The following GABRR2 variants were observed in gnomAD, a reference collection of about 807,000 sequenced individuals.
The protein encoded by GABRR2 is gamma-aminobutyric acid receptor subunit rho-2.
In GABRR2, 36 loss-of-function variants were observed where a neutral mutation model predicts 47.0. That is an observed-to-expected ratio of 0.77 (90% CI 0.59 to 1.01). The LOEUF is 1.01. Among genes scored for constraint, GABRR2 ranks in the 50% least tolerant of loss-of-function variants. The probability of loss-of-function intolerance (pLI) is 0.00; values close to 1 mark genes in which losing one functional copy is unlikely to be tolerated. For missense variants in GABRR2, 587 were observed against 594.6 expected (o/e 0.99, Z 0.13); for synonymous variants, 204 against 227.5 (o/e 0.90, Z 0.93).
intron 2 of GABRR2, among the ~76,000 whole-genome samples, chr6:89,272,235 G>A (rs1774069512): frequency 6.6e-6 from 1 of 152,232 alleles, no homozygotes; most frequent in Non-Finnish European, 1.5e-5. Context: ...CTTCAACCCA[G>A]GGTGAGACAA....
chr6:89,282,185 C>T (rs1582450777), intron 2 of GABRR2, among the ~76,000 whole-genome samples: 1 of 152,318 alleles, frequency 6.6e-6, no homozygotes, highest in East Asian at 1.9e-4. Context: ...AGCGAGCCAC[C>T]AGCCCCCCTC....
At chr6:89,263,004 C>T (rs1481950893) in intron 8 of GABRR2, among the ~76,000 whole-genome samples, 2 of 152,232 alleles carry the variant, frequency 1.3e-5, no homozygotes, top group Non-Finnish European at 2.9e-5. Flanking sequence ...GGCTCATGAG[C>T]ATGGCTTTGT....
intron 2 of GABRR2, among the ~76,000 whole-genome samples, chr6:89,288,445 T>C (rs139197968): frequency 5.7e-4 from 87 of 152,156 alleles, no homozygotes; most frequent in Middle Eastern, 3.4e-3. Context: ...TGAAAACACC[T>C]TCGAGTGTTT....
intron 2 of GABRR2, among the ~76,000 whole-genome samples, chr6:89,298,770 A>G (rs1380917489): frequency 6.6e-6 from 1 of 152,168 alleles, no homozygotes; most frequent in Non-Finnish European, 1.5e-5. Flanking sequence ...ACAAATGTGT[A>G]TGTTGCAATC....
chr6:89,302,873 C>T, intron 1 of GABRR2: 1 of 1,254,724 alleles, frequency 8.0e-7, no homozygotes, highest in Non-Finnish European at 1.1e-6. Context: ...TCATCAGCAA[C>T]AGCACGGGCA....
intron 1 of GABRR2, among the ~76,000 whole-genome samples, chr6:89,305,748 G>A (rs1767547978): frequency 6.6e-6 from 1 of 152,172 alleles, no homozygotes; most frequent in South Asian, 2.1e-4. Flanking sequence ...GCTAAGTGAT[G>A]AGAACACATG....
At chr6:89,270,698 C>T (rs1164503603) in intron 3 of GABRR2, among the ~76,000 whole-genome samples, 2 of 152,164 alleles carry the variant, frequency 1.3e-5, no homozygotes, top group African/African-American at 2.4e-5. Flanking sequence ...TCCCACTCTT[C>T]AAGGGCAGAT....
At chr6:89,283,663 A>G (rs1774288516) in intron 2 of GABRR2, among the ~76,000 whole-genome samples, 1 of 152,168 alleles carries the variant, frequency 6.6e-6, no homozygotes, top group South Asian at 2.1e-4. Flanking sequence ...AAGGACATGA[A>G]AAAGATTTTT....
At chr6:89,302,416 C>G in intron 1 of GABRR2, 1 of 567,626 alleles carries the variant, frequency 1.8e-6, no homozygotes, top group Non-Finnish European at 3.5e-6. Flanking sequence ...CGTCAGCACC[C>G]TCAGGCTGGC....
chr6:89,299,875 C>T lies in GABRR2; in HGVS notation c.114-10G>A. On this transcript the variant is annotated splice_polypyrimidine_tract_variant and intron_variant, in intron 1 of 8. Transcript: ENST00000402938. The stretch of plus-strand genomic sequence containing the variant: ...CTTCTTATATAAGTGACTGTGAAGA[C>T]AAGCAAGAAACTATTTTCCATCGGC... The T allele has an allele frequency of 6.4e-7, 1 of 1,568,374 alleles. No homozygotes were observed. Among genetic ancestry groups the T allele is most frequent in the Non-Finnish European group, 8.8e-7 (1 of 1,138,366 alleles).
At chr6:89,288,067 C>T (rs1001811477) in intron 2 of GABRR2, among the ~76,000 whole-genome samples, 3 of 152,220 alleles carry the variant, frequency 2.0e-5, no homozygotes, top group African/African-American at 7.2e-5. Context: ...TTTTTTAACA[C>T]TTCTCCTAGC....
rs151154766 is a variant in GABRR2, at chr6:89,306,422, A to G, written c.114-6557T>C. On this transcript the variant is annotated intron_variant, in intron 1 of 8. Transcript: ENST00000402938. ...GTTTTGTGATAAATATACTTCTAAG[A>G]CAAATATAGTCAAAACTTTTAAATG... 9.2e-5 allele frequency among the ~76,000 whole-genome samples: 14 copies of G among 152,336 alleles called. No individual in the cohort carries two copies. The East Asian group carries it at 2.7e-3, about 29-fold the overall frequency.
chr6:89,270,178 A>G (rs1774015651), intron 3 of GABRR2, among the ~76,000 whole-genome samples: 1 of 152,230 alleles, frequency 6.6e-6, no homozygotes, highest in South Asian at 2.1e-4. Context: ...CCTGAGTAGG[A>G]AGAGACCAGC....
intron 1 of GABRR2, among the ~76,000 whole-genome samples, chr6:89,310,657 A>G (rs1338174752): frequency 1.4e-5 from 2 of 147,148 alleles, no homozygotes; most frequent in Non-Finnish European, 3.0e-5. Flanking sequence ...TCTGAACTCA[A>G]TGCATGCATA....
intron 2 of GABRR2, among the ~76,000 whole-genome samples, chr6:89,293,129 G>A (rs1774499327): frequency 6.6e-6 from 1 of 152,050 alleles, no homozygotes; most frequent in Non-Finnish European, 1.5e-5. Flanking sequence ...TTTAAAAAAA[G>A]GAAATTCTAT....
In GABRR2 at chr6:89,301,677, A is replaced by C. The variant is rs973060270; in HGVS notation, c.114-1812T>G. The C allele has an allele frequency of 5.5e-6, 3 of 541,730 alleles. No homozygotes were observed. In the African/African-American group the frequency reaches 5.6e-5, roughly 10 times the overall value. 33.6% of individuals were successfully genotyped at this position (541,730 alleles called of 1,614,324 possible). A position where few individuals can be genotyped will look rare whatever the true frequency, so the allele number is the denominator to read the frequency against. ...ATACAGCTAACCAGGGAGGTGAAAG[A>C]TCTCTACAATGAGAATTGCAAAAAC... On this transcript the variant is annotated intron_variant, in intron 1 of 8. Transcript: ENST00000402938.
At chr6:89,311,250 G>C (rs1012269169) in intron 1 of GABRR2, among the ~76,000 whole-genome samples, 1 of 152,188 alleles carries the variant, frequency 6.6e-6, no homozygotes, top group East Asian at 1.9e-4. Context: ...CCGGCTCACT[G>C]CCCCTCTGAC....
intron 2 of GABRR2, among the ~76,000 whole-genome samples, chr6:89,289,221 C>A (rs956299959): frequency 1.3e-5 from 2 of 152,176 alleles, no homozygotes; most frequent in Non-Finnish European, 1.5e-5. Flanking sequence ...AGAGGCCTTG[C>A]CTGGGAGGAG....
intron 2 of GABRR2, among the ~76,000 whole-genome samples, chr6:89,297,460 G>A (rs938217441): frequency 4.6e-5 from 7 of 152,102 alleles, no homozygotes; most frequent in Admixed American, 2.6e-4. Flanking sequence ...GACAATAATA[G>A]TATCTACTTT....
Sources: gnomAD v4.1 joint callset for allele counts (sites outside exome capture counted in the v4.1 genomes callset) on GRCh38, gnomAD v4.1.1 for gene constraint, MANE v1.5 for transcripts, NCBI Gene and HGNC (gene_info 2026-07-23, HGNC 2026-07-21) for gene names.